Variants in PLXNA2 observed in about 807,000 individuals in gnomAD.
PLXNA2 encodes plexin-A2.
PLXNA2 carries 91 observed loss-of-function variants against 193.5 expected under a neutral mutation model. That is an observed-to-expected ratio of 0.47 (90% CI 0.40 to 0.56). PLXNA2 has a LOEUF of 0.56. Ranked by LOEUF, PLXNA2 falls within the 20% of genes least tolerant of loss-of-function variation. The pLI is 0.00. For synonymous variants in PLXNA2, 997 were observed against 1,027.3 expected, an observed-to-expected ratio of 0.97 and a Z score of 0.56; for missense variants, 1,995 against 2,503.2, an observed-to-expected ratio of 0.80 and a Z score of 4.33.
At chr1:208,137,318 A>G (rs1387635374) in intron 4 of PLXNA2, among the ~76,000 whole-genome samples, 3 of 152,238 alleles carry the variant, frequency 2.0e-5, no homozygotes, top group South Asian at 2.1e-4. Flanking sequence ...AGTATAAAAT[A>G]GAATAATTGC....
chr1:208,127,304 A>G (rs1449211697), intron 4 of PLXNA2, among the ~76,000 whole-genome samples: 1 of 152,156 alleles, frequency 6.6e-6, no homozygotes, highest in African/African-American at 2.4e-5. Context: ...TACTCCTTTT[A>G]TTTACTCACA....
At chr1:208,158,027 C>A (rs1342807708) in intron 3 of PLXNA2, among the ~76,000 whole-genome samples, 1 of 152,096 alleles carries the variant, frequency 6.6e-6, no homozygotes, top group Non-Finnish European at 1.5e-5. Context: ...TGCTGTGAAA[C>A]CAGGCCAGTG....
At chr1:208,039,040 G>A in intron 24 of PLXNA2, 56 bp from the exon 25 acceptor site, 3 of 1,533,926 alleles carry the variant, frequency 2.0e-6, no homozygotes, top group Non-Finnish European at 1.8e-6. Context: ...TAGTTTGAGG[G>A]AGAGGGTCAG....
chr1:208,061,555 C>T (rs1372799747), intron 12 of PLXNA2, among the ~76,000 whole-genome samples: 2 of 152,116 alleles, frequency 1.3e-5, no homozygotes, highest in African/African-American at 4.8e-5. Flanking sequence ...TGACACTGTT[C>T]TGCAAAAAAC....
At chr1:208,104,930 G>A (rs540277441) in intron 4 of PLXNA2, among the ~76,000 whole-genome samples, 3 of 152,322 alleles carry the variant, frequency 2.0e-5, no homozygotes, top group African/African-American at 7.2e-5. Flanking sequence ...AATAGTTCAA[G>A]TGTGATAGAC....
chr1:208,036,478 T>C (rs1260424463), intron 26 of PLXNA2, among the ~76,000 whole-genome samples: 1 of 152,194 alleles, frequency 6.6e-6, no homozygotes, highest in East Asian at 1.9e-4. Flanking sequence ...GGACTTAACC[T>C]CTCTGAGCCT....
chr1:208,234,724 C>T (rs905422507), intron 1 of PLXNA2, among the ~76,000 whole-genome samples: 1 of 152,154 alleles, frequency 6.6e-6, no homozygotes, highest in African/African-American at 2.4e-5. Context: ...CTGCTCAAAA[C>T]CAAGGAAGAG....
chr1:208,027,152 G>A lies in PLXNA2; in HGVS notation c.*91C>T. Reference sequence around the variant, plus strand: ...GTCTCAGGGGACAGCAAGCTCTGGGGCCTGATCCCCATCACTTGTCCTTCC... The same window carrying A: ...GTCTCAGGGGACAGCAAGCTCTGGGACCTGATCCCCATCACTTGTCCTTCC... On this transcript the variant is annotated 3_prime_UTR_variant, in exon 32 of 32. Coordinates refer to ENST00000367033, the MANE Select transcript of PLXNA2 (RefSeq NM_025179.4). 8.6e-7 allele frequency: 1 copy of A among 1,167,708 alleles called. No homozygotes were observed. The highest frequency in any genetic ancestry group is 1.3e-6 in the Non-Finnish European group (1 of 791,008). The allele number at this position is 1,167,708 out of a possible 1,614,324, so 72.3% of individuals were successfully genotyped here. A position where few individuals can be genotyped will look rare whatever the true frequency, so the allele number is the denominator to read the frequency against.
intron 3 of PLXNA2, among the ~76,000 whole-genome samples, chr1:208,199,634 T>A (rs1335869153): frequency 6.6e-6 from 1 of 150,634 alleles, no homozygotes; most frequent in African/African-American, 2.5e-5. Flanking sequence ...GAGGTTGCAG[T>A]GAGCTGAGAT....
chr1:208,105,997 G>C (rs1667259075), intron 4 of PLXNA2, among the ~76,000 whole-genome samples: 1 of 151,960 alleles, frequency 6.6e-6, no homozygotes, highest in African/African-American at 2.4e-5. Flanking sequence ...CGGAGATAGT[G>C]AAACCCTGTT....
chr1:208,101,188 T>G (rs1267611004), intron 5 of PLXNA2, among the ~76,000 whole-genome samples: 2 of 152,192 alleles, frequency 1.3e-5, no homozygotes, highest in African/African-American at 4.8e-5. Context: ...TAAATAGCCT[T>G]GGAGACAATA....
At chr1:208,030,356 G>A (rs967684978) in intron 29 of PLXNA2, 1 of 985,698 alleles carries the variant, frequency 1.0e-6, no homozygotes, top group African/African-American at 1.7e-5. Context: ...GCACAGAGAT[G>A]CGGATAACCC....
At position 208,054,520 on chromosome 1, in the gene PLXNA2, G is replaced by A. The variant is rs1256967802; in HGVS notation, c.2757C>T (p.Gly919=). The change falls in exon 14 of 32, where the codon GGC becomes GGT. Residue 919 remains glycine, a synonymous_variant. Coordinates refer to ENST00000367033, the MANE Select transcript of PLXNA2 (RefSeq NM_025179.4). The part of the protein sequence containing the change: ...IIAEQIVCEM[G]HALVGTTSGP... Reference sequence around the variant, plus strand: ...CGGAGGTGGTTCCCACGAGGGCATGGCCCATCTCACAGACAATCCTGGGGA... The same window carrying A: ...CGGAGGTGGTTCCCACGAGGGCATGACCCATCTCACAGACAATCCTGGGGA... 1.2e-6 allele frequency: 2 copies of A among 1,613,892 alleles called. No homozygotes were observed. Among genetic ancestry groups the A allele is most frequent in the Non-Finnish European group, 1.7e-6 (2 of 1,179,734 alleles).
At chr1:208,076,823 A>G (rs1666164268) in intron 12 of PLXNA2, among the ~76,000 whole-genome samples, 1 of 152,244 alleles carries the variant, frequency 6.6e-6, no homozygotes, top group African/African-American at 2.4e-5. Flanking sequence ...CACGTTTATT[A>G]GATGGTATTA....
At chr1:208,041,284 G>A (rs1480365701) in intron 22 of PLXNA2, among the ~76,000 whole-genome samples, 2 of 152,188 alleles carry the variant, frequency 1.3e-5, no homozygotes, top group Non-Finnish European at 2.9e-5. Flanking sequence ...GAGGGGTGGT[G>A]AACGGAGGTG....
intron 12 of PLXNA2, 101 bp downstream of exon 12, chr1:208,079,159 C>A (rs2274444): frequency 0.27 from 272,088 of 1,018,188 alleles, 37,506 homozygotes; most frequent in Admixed American, 0.35. Flanking sequence ...TCACTGTACG[C>A]CAATAATTTG....
At chr1:208,208,984 C>T (rs989970410) in intron 3 of PLXNA2, among the ~76,000 whole-genome samples, 2 of 152,162 alleles carry the variant, frequency 1.3e-5, no homozygotes, top group Non-Finnish European at 2.9e-5. Context: ...CAGAATTTCA[C>T]ACAGCAACTC....
chr1:208,108,040 G>A (rs1413872291), intron 4 of PLXNA2, among the ~76,000 whole-genome samples: 2 of 152,060 alleles, frequency 1.3e-5, no homozygotes, highest in African/African-American at 2.4e-5. Context: ...TGGCTCTCCT[G>A]GCCCCGGGGC....
At position 208,060,733 on chromosome 1, in the gene PLXNA2, A is replaced by G. The variant is rs1406665278; in HGVS notation, c.2691T>C (p.Ala897=). 1 of 1,613,980 alleles carries G rather than the reference A, an allele frequency of 6.2e-7. No individual in the cohort carries two copies. Among genetic ancestry groups the G allele is most frequent in the East Asian group, 2.2e-5 (1 of 44,850 alleles). The change falls in exon 13 of 32, where the codon GCT becomes GCC. Residue 897 remains alanine (A), a synonymous_variant. Transcript: ENST00000367033. ...CTGGGAGGGGCGTGCAGGGCACCCC[A>G]GCCACCTGCACATGGTGGGCGATCT... ...FSEIAHHVQV[A]GVPCTPLPGE...
Sources: allele counts gnomAD v4.1 joint callset (sites outside exome capture counted in the v4.1 genomes callset), GRCh38; gene constraint gnomAD v4.1.1; transcripts MANE v1.5; gene names NCBI Gene and HGNC (gene_info 2026-07-23, HGNC 2026-07-21).